NEK10: variants seen among roughly 807,000 people sequenced by gnomAD.
The protein encoded by NEK10 is NIMA related kinase 10.
NEK10 carries 122 observed loss-of-function variants against 159.8 expected under a neutral mutation model. The observed-to-expected ratio is 0.76, with a 90% CI of 0.66 to 0.89. The LOEUF (loss-of-function observed/expected upper bound fraction) is 0.89. NEK10 is among the 40% of genes least tolerant of loss of function. NEK10 has a pLI of 0.00. For synonymous variants in NEK10, 466 were observed against 457.1 expected, an observed-to-expected ratio of 1.02 and a Z score of -0.25; for missense variants, 1,342 against 1,323.1, an observed-to-expected ratio of 1.01 and a Z score of -0.22.
chr3:27,174,544 A>C lies in NEK10; in HGVS notation c.2690-19T>G, dbSNP rs559055988. 2.6e-5 allele frequency: 42 copies of C among 1,601,572 alleles called. No individual in the cohort carries two copies. The South Asian group carries it at 4.7e-4, about 18-fold the overall frequency. ...TATGTATCTGCACATTAATAAAAAC[A>C]ATAAAAAAGCAAATGAGTCTTGAAA... On this transcript the variant is annotated intron_variant, in intron 27 of 35. Transcript: ENST00000691995.
At chr3:27,128,679 C>A (rs1942259519) in intron 32 of NEK10, among the ~76,000 whole-genome samples, 1 of 151,576 alleles carries the variant, frequency 6.6e-6, no homozygotes, top group Admixed American at 6.6e-5. Flanking sequence ...TGGGTTTAAA[C>A]CTTATTTAAT....
At chr3:27,207,423 G>A (rs17680320) in intron 23 of NEK10, among the ~76,000 whole-genome samples, 5,289 of 152,134 alleles carry the variant, frequency 0.035, 119 homozygotes, top group African/African-American at 0.05. Context: ...TGGAAACAAT[G>A]ACATTTAGAG....
At chr3:27,309,218 G>A (rs2149582855) in intron 9 of NEK10, 1 of 293,970 alleles carries the variant, frequency 3.4e-6, no homozygotes, top group South Asian at 1.1e-4. Context: ...TAATGTTAAA[G>A]CTGCTCTCTC....
chr3:27,202,264 T>C (rs1441029724), intron 24 of NEK10, among the ~76,000 whole-genome samples, 164 bp downstream of exon 24: 1 of 152,160 alleles, frequency 6.6e-6, no homozygotes, highest in African/African-American at 2.4e-5. Context: ...ACATGAGATA[T>C]ATATTTAGAA....
intron 31 of NEK10, among the ~76,000 whole-genome samples, chr3:27,139,456 C>T (rs960132351): frequency 1.3e-5 from 2 of 152,104 alleles, no homozygotes; most frequent in African/African-American, 2.4e-5. Context: ...TTCATGTACA[C>T]CATGACCCAG....
At chr3:27,191,890 T>C in intron 26 of NEK10, 139 bp downstream of exon 26, 1 of 642,650 alleles carries the variant, frequency 1.6e-6, no homozygotes, top group Non-Finnish European at 2.7e-6. Context: ...GAAATGGATA[T>C]AAATATGTAA....
At chr3:27,309,144 G>GTTT (rs10662525) in intron 9 of NEK10, 139 bp from the exon 10 acceptor site, 74,023 of 367,412 alleles carry the variant, frequency 0.2, 4,991 homozygotes, top group Admixed American at 0.3. Flanking sequence ...AGGCTTAACT[G>GTTT]TTTTTTTTTT....
At chr3:27,204,301 G>GTTTTTTTTTT (rs567092116) in intron 23 of NEK10, among the ~76,000 whole-genome samples, 55 of 66,278 alleles carry the variant, frequency 8.3e-4, no homozygotes, top group East Asian at 1.3e-3. Context: ...TTTTGTTGTT[G>GTTTTTTTTTT]TTTTTTTTTT....
At chr3:27,199,370 T>A (rs1191787911) in intron 25 of NEK10, among the ~76,000 whole-genome samples, 1 of 152,202 alleles carries the variant, frequency 6.6e-6, no homozygotes, top group Admixed American at 6.5e-5. Flanking sequence ...TCAACATTAC[T>A]GATCATTACA....
chr3:27,113,471 G>T (rs538406613), intron 35 of NEK10, among the ~76,000 whole-genome samples: 1 of 148,552 alleles, frequency 6.7e-6, no homozygotes, highest in African/African-American at 2.5e-5. Context: ...AGCCAAAAAG[G>T]GAATACCATG....
chr3:27,213,427 C>G (rs1951193592), intron 23 of NEK10, among the ~76,000 whole-genome samples: 1 of 152,126 alleles, frequency 6.6e-6, no homozygotes, highest in Non-Finnish European at 1.5e-5. Flanking sequence ...TTCTGGTTTG[C>G]CATAATTGGT....
Position 27,335,067 on chromosome 3 carries a change from G to A in NEK10, c.362+9205C>T, listed in dbSNP as rs563064951. 5.3e-5 allele frequency among the ~76,000 whole-genome samples: 8 copies of A among 152,190 alleles called. No individual in the cohort carries two copies. In the East Asian group the frequency reaches 9.6e-4, roughly 18 times the overall value. ...AAAAAGAACCAAAGTGGCTGGGCACGGTGGCTCACACCTGTAATCCCAGCA... is the reference window on the plus strand; with the variant it reads ...AAAAAGAACCAAAGTGGCTGGGCACAGTGGCTCACACCTGTAATCCCAGCA... On this transcript the variant is annotated intron_variant, in intron 5 of 35. Coordinates refer to ENST00000691995, the MANE Select transcript of NEK10 (RefSeq NM_001394966.1).
chr3:27,360,107 G>A (rs1002918573), intron 1 of NEK10, among the ~76,000 whole-genome samples: 1 of 152,120 alleles, frequency 6.6e-6, no homozygotes, highest in Non-Finnish European at 1.5e-5. Flanking sequence ...AAGGACATCT[G>A]GTTCTCTAGT....
chr3:27,135,680 T>C (rs1255646990), intron 31 of NEK10, among the ~76,000 whole-genome samples: 2 of 152,242 alleles, frequency 1.3e-5, no homozygotes, highest in African/African-American at 4.8e-5. Flanking sequence ...AAAAAGTTAT[T>C]TTGACATTAC....
chr3:27,269,265 G>T (rs2041145025), intron 22 of NEK10, among the ~76,000 whole-genome samples: 1 of 152,190 alleles, frequency 6.6e-6, no homozygotes, highest in Non-Finnish European at 1.5e-5. Context: ...TGAGAGGATT[G>T]ACTCCAATTT....
intron 5 of NEK10, among the ~76,000 whole-genome samples, chr3:27,341,681 C>T (rs1236153910): frequency 6.6e-6 from 1 of 152,094 alleles, no homozygotes. Context: ...CTGGCAATTT[C>T]ATTCTGAGAA....
At chr3:27,296,361 A>G (rs1014547654) in intron 14 of NEK10, among the ~76,000 whole-genome samples, 10 of 152,172 alleles carry the variant, frequency 6.6e-5, no homozygotes, top group South Asian at 4.1e-4. Flanking sequence ...GAGTGGATAC[A>G]TTATTTTTTT....
At chr3:27,337,458 T>C (rs1447696338) in intron 5 of NEK10, among the ~76,000 whole-genome samples, 1 of 76,940 alleles carries the variant, frequency 1.3e-5, no homozygotes, top group South Asian at 7.0e-4. Flanking sequence ...AAAAAAGAAA[T>C]AAAATTCATA....
chr3:27,361,177 A>G (rs80140533), intron 1 of NEK10, among the ~76,000 whole-genome samples: 2 of 152,142 alleles, frequency 1.3e-5, no homozygotes, highest in African/African-American at 2.4e-5. Flanking sequence ...ATTCCAACTT[A>G]TATCTTTTAT....
Sources: gnomAD v4.1 joint callset for allele counts (sites outside exome capture counted in the v4.1 genomes callset) on GRCh38, gnomAD v4.1.1 for gene constraint, MANE v1.5 for transcripts, NCBI Gene and HGNC (gene_info 2026-07-23, HGNC 2026-07-21) for gene names.